The following LRRTM4 variants were observed in gnomAD, a reference collection of about 807,000 sequenced individuals.
The protein encoded by LRRTM4 is leucine rich repeat transmembrane neuronal 4, also known as leucine-rich repeat transmembrane neuronal protein 4.
In LRRTM4, 25 loss-of-function variants were observed where a neutral mutation model predicts 47.6. That is an observed-to-expected ratio of 0.53 (90% CI 0.38 to 0.73). LRRTM4 has a LOEUF of 0.73. LRRTM4 is among the 30% of genes least tolerant of loss of function. The pLI is 0.00. For missense variants in LRRTM4, 638 were observed against 713.4 expected (o/e 0.89, Z 1.20); for synonymous variants, 311 against 269.5 (o/e 1.15, Z -1.51).
intron 3 of LRRTM4, among the ~76,000 whole-genome samples, chr2:77,428,061 G>A (rs1264860595): frequency 2.0e-5 from 3 of 152,136 alleles, no homozygotes; most frequent in Non-Finnish European, 4.4e-5. Flanking sequence ...AAGATCTGAT[G>A]GTTTTACAAG....
chr2:77,050,474 T>C (rs1437498142), intron 3 of LRRTM4, among the ~76,000 whole-genome samples: 1 of 152,182 alleles, frequency 6.6e-6, no homozygotes. Flanking sequence ...CTTGAATCTA[T>C]GGAATCTAAC....
intron 3 of LRRTM4, among the ~76,000 whole-genome samples, chr2:76,817,360 T>C (rs940660382): frequency 2.0e-5 from 3 of 151,970 alleles, no homozygotes; most frequent in Non-Finnish European, 4.4e-5. Context: ...CAAGTTGGTA[T>C]GATTATTAAG....
At chr2:76,785,521 C>T (rs2104178952) in intron 3 of LRRTM4, among the ~76,000 whole-genome samples, 1 of 152,128 alleles carries the variant, frequency 6.6e-6, no homozygotes. Context: ...AGTGGTAATC[C>T]AGGAAGGATC....
At chr2:77,171,568 C>T (rs1381838376) in intron 3 of LRRTM4, among the ~76,000 whole-genome samples, 1 of 151,840 alleles carries the variant, frequency 6.6e-6, no homozygotes, top group East Asian at 1.9e-4. Context: ...TGAGTCACGG[C>T]GACTGGCCTG....
chr2:77,171,245 A>G (rs1325420392), intron 3 of LRRTM4, among the ~76,000 whole-genome samples: 1 of 151,782 alleles, frequency 6.6e-6, no homozygotes, highest in Non-Finnish European at 1.5e-5. Flanking sequence ...AATTTGCTTT[A>G]TGTTTTTTTT....
intron 3 of LRRTM4, among the ~76,000 whole-genome samples, chr2:77,336,618 A>G (rs2104264814): frequency 6.6e-6 from 1 of 152,314 alleles, no homozygotes; most frequent in East Asian, 1.9e-4. Context: ...AAAAAGCTAT[A>G]TGCTTATCTC....
At chr2:76,849,269 T>G (rs1364583295) in intron 3 of LRRTM4, among the ~76,000 whole-genome samples, 1 of 152,104 alleles carries the variant, frequency 6.6e-6, no homozygotes, top group African/African-American at 2.4e-5. Flanking sequence ...TCTCCAAGGC[T>G]TTCTGTTTTT....
chr2:77,360,436 C>T (rs544016909), intron 3 of LRRTM4, among the ~76,000 whole-genome samples: 13 of 151,766 alleles, frequency 8.6e-5, no homozygotes, highest in Middle Eastern at 6.9e-3. Context: ...GTAGCCTGGG[C>T]GGCAGAGCGA....
rs1679400611 is a variant in LRRTM4, at chr2:77,519,677, T to C, written c.192A>G (p.Gln64=). 3 of 1,613,338 alleles carry C rather than the reference T, an allele frequency of 1.9e-6. No individual in the cohort carries two copies. The highest frequency in any genetic ancestry group is 1.7e-5 in the Admixed American group (1 of 59,900). ...TGCTGTTGAACCTTAATGATAAGCC[T>C]TGTGACCCTCCAGAAATGTTCTCAG... ...DIPENISGGS[Q]GLSLRFNSIQ... is the part of the protein sequence containing the mutation. The change falls in exon 3 of 4, where the codon CAA becomes CAG. Residue 64 remains glutamine, a synonymous_variant. Coordinates refer to ENST00000409884, the MANE Select transcript of LRRTM4 (RefSeq NM_001134745.3). This position sits in a 1 kb window ranked among gnomAD's most constrained non-coding sequence, Gnocchi z 4.6.
chr2:77,216,091 C>T (rs576417625), intron 3 of LRRTM4, among the ~76,000 whole-genome samples: 12 of 139,104 alleles, frequency 8.6e-5, no homozygotes, highest in Admixed American at 6.8e-4. Context: ...CATTAACTGC[C>T]CCCCCACCCA....
chr2:77,084,800 T>C (rs1680655911), intron 3 of LRRTM4, among the ~76,000 whole-genome samples: 1 of 152,208 alleles, frequency 6.6e-6, no homozygotes, highest in Non-Finnish European at 1.5e-5. Flanking sequence ...TAGATGAAGA[T>C]ATACATGAAG....
chr2:77,468,944 T>G (rs1677084619), intron 3 of LRRTM4, among the ~76,000 whole-genome samples: 2 of 152,216 alleles, frequency 1.3e-5, no homozygotes, highest in Admixed American at 6.5e-5. Flanking sequence ...TAACCTAATA[T>G]GATGTCCGTT....
intron 3 of LRRTM4, among the ~76,000 whole-genome samples, chr2:77,505,961 G>A (rs542419633): frequency 1.3e-5 from 2 of 151,554 alleles, no homozygotes; most frequent in East Asian, 1.9e-4. Context: ...AAGAGAGAGC[G>A]ATACAAAAAT....
At chr2:77,252,590 C>G (rs1166947196) in intron 3 of LRRTM4, among the ~76,000 whole-genome samples, 5 of 152,046 alleles carry the variant, frequency 3.3e-5, no homozygotes, top group Non-Finnish European at 5.9e-5. Flanking sequence ...TTCATTTTAA[C>G]AAATTCAAAC....
chr2:77,128,150 A>AC (rs1671700975), intron 3 of LRRTM4, among the ~76,000 whole-genome samples: 1 of 151,006 alleles, frequency 6.6e-6, no homozygotes, highest in Admixed American at 6.6e-5. Context: ...CTCAAAAAAA[A>AC]AAACAAAACA....
chr2:77,442,298 G>C (rs1675874828), intron 3 of LRRTM4, among the ~76,000 whole-genome samples: 1 of 152,040 alleles, frequency 6.6e-6, no homozygotes, highest in South Asian at 2.1e-4. Context: ...CAACAAGAAA[G>C]CATCATGTAT....
chr2:77,463,879 CAG>C (rs1192384050), intron 3 of LRRTM4, among the ~76,000 whole-genome samples: 2 of 152,032 alleles, frequency 1.3e-5, no homozygotes, highest in African/African-American at 2.4e-5. Flanking sequence ...GAAATATTAC[CAG>C]CGCACCATTA....
chr2:76,808,445 GA>G (rs369001552), intron 3 of LRRTM4, among the ~76,000 whole-genome samples: 16 of 147,168 alleles, frequency 1.1e-4, no homozygotes, highest in South Asian at 2.1e-4. Context: ...TTGATTTTGG[GA>G]AAAAAAAAAA....
chr2:76,793,436 T>A (rs567580573), intron 3 of LRRTM4, among the ~76,000 whole-genome samples: 3 of 152,212 alleles, frequency 2.0e-5, no homozygotes, highest in East Asian at 3.9e-4. Flanking sequence ...AGCAAAAGAA[T>A]CAAGTATTTT....
Sources: gnomAD v4.1 joint callset for allele counts (sites outside exome capture counted in the v4.1 genomes callset) on GRCh38, gnomAD v4.1.1 for gene constraint, Gnocchi (gnomAD v3.1) non-coding constraint, MANE v1.5 for transcripts, NCBI Gene and HGNC (gene_info 2026-07-23, HGNC 2026-07-21) for gene names.